Variants in MAN1A1 observed in about 807,000 individuals in gnomAD.
MAN1A1 encodes mannosyl-oligosaccharide 1,2-alpha-mannosidase IA.
A neutral mutation model predicts 70.8 loss-of-function variants in MAN1A1; 29 were observed. The ratio of observed to expected loss-of-function variants is 0.41; its 90% CI spans 0.31 to 0.56. MAN1A1 has a LOEUF of 0.56. MAN1A1 is among the 20% of genes least tolerant of loss of function. MAN1A1 has a pLI of 0.29. For synonymous variants in MAN1A1, 349 were observed against 330.1 expected, an observed-to-expected ratio of 1.06 and a Z score of -0.62; for missense variants, 747 against 841.3, an observed-to-expected ratio of 0.89 and a Z score of 1.39.
At chr6:119,215,535 A>G (rs1774175800) in intron 6 of MAN1A1, among the ~76,000 whole-genome samples, 1 of 152,212 alleles carries the variant, frequency 6.6e-6, no homozygotes, top group African/African-American at 2.4e-5. Context: ...AGACTTTTCC[A>G]GATAGATCTG....
intron 6 of MAN1A1, among the ~76,000 whole-genome samples, chr6:119,213,518 C>T (rs920663741): frequency 6.6e-6 from 1 of 152,132 alleles, no homozygotes; most frequent in South Asian, 2.1e-4. Flanking sequence ...ACTACTACAA[C>T]GAAGTCAATG....
intron 2 of MAN1A1, among the ~76,000 whole-genome samples, chr6:119,342,734 G>T (rs1773629714): frequency 6.6e-6 from 1 of 152,104 alleles, no homozygotes; most frequent in African/African-American, 2.4e-5. Context: ...ATTTTTACAT[G>T]TCTACTTTTA....
At chr6:119,325,102 C>T (rs1213701043) in intron 2 of MAN1A1, among the ~76,000 whole-genome samples, 5 of 152,132 alleles carry the variant, frequency 3.3e-5, no homozygotes, top group Non-Finnish European at 7.4e-5. Flanking sequence ...AGTTACAATT[C>T]CAGACACTTT....
At chr6:119,291,900 T>A (rs932791559) in intron 4 of MAN1A1, among the ~76,000 whole-genome samples, 18 of 152,246 alleles carry the variant, frequency 1.2e-4, no homozygotes, top group Admixed American at 3.3e-4. Context: ...TTATATAGAC[T>A]CTTTTAGTCC....
chr6:119,211,885 AG>A (rs1401657330), intron 6 of MAN1A1, among the ~76,000 whole-genome samples: 3 of 148,958 alleles, frequency 2.0e-5, no homozygotes, highest in African/African-American at 7.4e-5. Context: ...TCTGTCACCC[AG>A]GCTGGAGTGC....
rs1199412273 is a variant in MAN1A1, at chr6:119,177,785, G to C, written c.*2034C>G. 6.6e-6 allele frequency: 1 copy of C among 151,944 alleles called. No individual in the cohort carries two copies. Among genetic ancestry groups the C allele is most frequent in the Admixed American group, 6.6e-5 (1 of 15,250 alleles). The allele number at this position is 151,944 out of a possible 1,614,324, so 9.4% of individuals were successfully genotyped here. On this transcript the variant is annotated 3_prime_UTR_variant, in exon 13 of 13. Coordinates refer to ENST00000368468, the MANE Select transcript of MAN1A1 (RefSeq NM_005907.4). ...TTGTCTATTCACACCAGGACACCAAGGTACCTCATAGTGCAGTGTGTACAC... is the reference window on the plus strand; with the variant it reads ...TTGTCTATTCACACCAGGACACCAACGTACCTCATAGTGCAGTGTGTACAC...
At chr6:119,197,381 T>TA (rs1301033976) in intron 8 of MAN1A1, among the ~76,000 whole-genome samples, 3 of 151,418 alleles carry the variant, frequency 2.0e-5, no homozygotes, top group Admixed American at 1.3e-4. Flanking sequence ...AAAATTCAAG[T>TA]AAGTAAACAC....
intron 2 of MAN1A1, among the ~76,000 whole-genome samples, chr6:119,335,796 G>A (rs777335089): frequency 6.6e-6 from 1 of 152,222 alleles, no homozygotes; most frequent in South Asian, 2.1e-4. Context: ...GTGTTCTGGA[G>A]ATAGTAACTA....
At chr6:119,302,601 C>A (rs1253438974) in intron 3 of MAN1A1, among the ~76,000 whole-genome samples, 2 of 151,982 alleles carry the variant, frequency 1.3e-5, no homozygotes, top group East Asian at 3.9e-4. Flanking sequence ...AGAATGGTCT[C>A]AATCTCTCGA....
chr6:119,317,740 T>C lies in MAN1A1; in HGVS notation c.604-10748A>G, dbSNP rs375847977. ...ACTTGCACAGTATAAGCATTTCCTT[T>C]TTGAATTAAGGCCAGAAATCACTAT... On this transcript the variant is annotated intron_variant, in intron 2 of 12. Transcript: ENST00000368468. Among the ~76,000 whole-genome samples the C allele has an allele frequency of 3.4e-4, 52 of 152,332 alleles. No homozygotes were observed. The East Asian group carries it at 3.9e-3, about 11-fold the overall frequency.
intron 4 of MAN1A1, among the ~76,000 whole-genome samples, chr6:119,300,624 A>C (rs1772366485): frequency 6.6e-6 from 1 of 152,098 alleles, no homozygotes; most frequent in Non-Finnish European, 1.5e-5. Context: ...AATTTTTCAT[A>C]TTTAGCTCTA....
Position 119,188,497 on chromosome 6 carries a change from T to C in MAN1A1, c.1627A>G (p.Ile543Val), listed in dbSNP as rs945607381. The change falls in exon 11 of 13, where the codon ATC becomes GTC. Residue 543 changes from isoleucine to valine, a missense_variant. Coordinates refer to ENST00000368468, the MANE Select transcript of MAN1A1 (RefSeq NM_005907.4). ...IATRQNEKYY[I>V]LRPEVMETYM... ...GTCTCCATAACTTCTGGCCGTAAGA[T>C]GTAGTATTTTTCATTTTGTCTTGTA... 2 of 1,613,908 alleles carry C rather than the reference T, an allele frequency of 1.2e-6. No homozygotes were observed. The highest frequency in any genetic ancestry group is 1.7e-5 in the Admixed American group (1 of 59,998).
Position 119,188,503 on chromosome 6 carries a change from AT to A in MAN1A1, c.1620del (p.Lys540AsnfsTer19). On this transcript the variant is annotated frameshift_variant, in exon 11 of 13. Coordinates refer to ENST00000368468, the MANE Select transcript of MAN1A1 (RefSeq NM_005907.4). LOFTEE classifies it high-confidence loss of function. Reference protein sequence around the residue: ...VEAIATRQNEKYYILRPEVME... With the variant: ...VEAIATRQNEXYYILRPEVME... The stretch of plus-strand genomic sequence containing the variant: ...ATAACTTCTGGCCGTAAGATGTAGT[AT>A]TTTTCATTTTGTCTTGTAGCGATGG... The A allele has an allele frequency of 6.2e-7, 1 of 1,613,988 alleles. No homozygotes were observed. The highest frequency in any genetic ancestry group is 1.1e-5 in the South Asian group (1 of 91,076).
chr6:119,188,389 C>T lies in MAN1A1; in HGVS notation c.1719+16G>A. The T allele has an allele frequency of 6.4e-7, 1 of 1,573,972 alleles. No individual in the cohort carries two copies. Among genetic ancestry groups the T allele is most frequent in the Non-Finnish European group, 8.6e-7 (1 of 1,164,188 alleles). ...ATGAAATTTATCTATAAGAAACATGCAAATTAAAACATCACCTCTACGGCT... is the reference window on the plus strand; with the variant it reads ...ATGAAATTTATCTATAAGAAACATGTAAATTAAAACATCACCTCTACGGCT... On this transcript the variant is annotated intron_variant, in intron 11 of 12. Coordinates refer to ENST00000368468, the MANE Select transcript of MAN1A1 (RefSeq NM_005907.4).
chr6:119,220,265 A>G (rs1004096809), intron 6 of MAN1A1, among the ~76,000 whole-genome samples: 29 of 152,200 alleles, frequency 1.9e-4, no homozygotes, highest in African/African-American at 6.8e-4. Flanking sequence ...CCCACTGGTA[A>G]AATGAAATAG....
chr6:119,336,075 T>G (rs561537518), intron 2 of MAN1A1, among the ~76,000 whole-genome samples: 1 of 152,062 alleles, frequency 6.6e-6, no homozygotes, highest in Non-Finnish European at 1.5e-5. Context: ...ATTTTTTTAT[T>G]ATTATTTTTT....
In MAN1A1 at chr6:119,183,728, T is replaced by C. The variant is rs1017041846; in HGVS notation, c.1720-3301A>G. On this transcript the variant is annotated intron_variant, in intron 11 of 12. Transcript: ENST00000368468. ...AATGCCTAATCACCTTTCTTTCTAG[T>C]TCACCCTCTCATTCTTGTTCCCCAC... Among the ~76,000 whole-genome samples the C allele has an allele frequency of 2.0e-5, 3 of 152,142 alleles. No individual in the cohort carries two copies. The South Asian group carries it at 6.2e-4, about 32-fold the overall frequency.
intron 5 of MAN1A1, among the ~76,000 whole-genome samples, chr6:119,290,395 T>C (rs1250454115): frequency 1.3e-5 from 2 of 152,062 alleles, no homozygotes; most frequent in Non-Finnish European, 2.9e-5. Context: ...CTTTAATTTG[T>C]CCATAGGCAC....
chr6:119,274,460 T>C (rs1776000841), intron 5 of MAN1A1, among the ~76,000 whole-genome samples: 1 of 152,216 alleles, frequency 6.6e-6, no homozygotes, highest in Non-Finnish European at 1.5e-5. Context: ...GCCTTCAAAA[T>C]TTATGTCTGT....
Sources: gnomAD v4.1 joint callset for allele counts (sites outside exome capture counted in the v4.1 genomes callset) on GRCh38, gnomAD v4.1.1 for gene constraint, MANE v1.5 for transcripts, NCBI Gene and HGNC (gene_info 2026-07-23, HGNC 2026-07-21) for gene names.